The following CAPN8 variants were observed in gnomAD, a reference collection of about 807,000 sequenced individuals.
The protein encoded by CAPN8 is calpain-8.
A neutral mutation model predicts 80.9 loss-of-function variants in CAPN8; 87 were observed. The observed-to-expected ratio is 1.07, with a 90% CI of 0.90 to 1.28. The LOEUF (loss-of-function observed/expected upper bound fraction) is 1.28, where lower values mean the gene tolerates loss of function less well. Among genes scored for constraint, CAPN8 ranks in the 50% most tolerant of loss-of-function variants. CAPN8 has a pLI of 0.00. For synonymous variants in CAPN8, 299 were observed against 273.8 expected, an observed-to-expected ratio of 1.09 and a Z score of -0.91; for missense variants, 757 against 702.0, an observed-to-expected ratio of 1.08 and a Z score of -0.89.
At chr1:223,646,809 C>A (rs1030297034) in intron 2 of CAPN8, among the ~76,000 whole-genome samples, 1 of 152,190 alleles carries the variant, frequency 6.6e-6, no homozygotes, top group Non-Finnish European at 1.5e-5. Context: ...GAGAGCAGAG[C>A]TGGTAGGTGT....
At position 223,545,279 on chromosome 1, in the gene CAPN8, C is replaced by T. The variant is rs982009320; in HGVS notation, c.1785G>A (p.Leu595=). 1 of 1,551,660 alleles carries T rather than the reference C, an allele frequency of 6.4e-7. No homozygotes were observed. The highest frequency in any genetic ancestry group is 8.7e-7 in the Non-Finnish European group (1 of 1,146,962). ...AGAGCGTCTTGAATTCCACCGCCCC[C>T]AAAGTGCCCGTTCCATTGCTCTAGG... is the stretch of plus-strand genomic sequence containing the variant. ...SLLDSNGTGT[L]GAVEFKTLWL... is the part of the protein sequence containing the mutation. Residue 595 remains leucine (L), a synonymous_variant, in exon 17 of 21, where the codon TTG becomes TTA. Coordinates refer to ENST00000366872, the MANE Select transcript of CAPN8 (RefSeq NM_001143962.2).
intron 9 of CAPN8, 54 bp downstream of exon 9, chr1:223,619,239 A>G (rs1657301076): frequency 6.5e-7 from 1 of 1,533,664 alleles, no homozygotes; most frequent in Admixed American, 2.1e-5. Context: ...AAAATGACCC[A>G]GCTCAGGGAG....
intron 2 of CAPN8, among the ~76,000 whole-genome samples, chr1:223,638,534 G>A (rs1471096200): frequency 1.3e-5 from 2 of 152,056 alleles, no homozygotes; most frequent in East Asian, 1.9e-4. Flanking sequence ...CTCTCTCCCC[G>A]CCTGAGTATA....
chr1:223,627,443 G>A (rs1471314089), intron 4 of CAPN8, among the ~76,000 whole-genome samples: 2 of 152,222 alleles, frequency 1.3e-5, no homozygotes, highest in Admixed American at 6.5e-5. Context: ...GTTTCTGGGG[G>A]CTGGGGGCAC....
intron 6 of CAPN8, 146 bp downstream of exon 6, chr1:223,625,659 G>T (rs887916200): frequency 1.6e-6 from 1 of 635,470 alleles, no homozygotes; most frequent in Non-Finnish European, 2.9e-6. Context: ...TTCTGTACAG[G>T]CAGAGTGCAT....
intron 2 of CAPN8, among the ~76,000 whole-genome samples, chr1:223,637,698 CA>C (rs1657940587): frequency 6.6e-6 from 1 of 152,218 alleles, no homozygotes; most frequent in Non-Finnish European, 1.5e-5. Context: ...TGCCAAGCAT[CA>C]CCATGTGCGG....
chr1:223,636,892 T>G (rs28537987), intron 2 of CAPN8, among the ~76,000 whole-genome samples: 3,897 of 151,604 alleles, frequency 0.026, 74 homozygotes, highest in African/African-American at 0.048. Context: ...TTGAGTAGTC[T>G]ATCACTAGTA....
intron 2 of CAPN8, among the ~76,000 whole-genome samples, chr1:223,643,027 C>T (rs541961851): frequency 6.6e-6 from 1 of 152,344 alleles, no homozygotes; most frequent in African/African-American, 2.4e-5. Flanking sequence ...TATGTAAACA[C>T]ATCTCAGAGC....
At chr1:223,645,814 T>C (rs1658176300) in intron 2 of CAPN8, among the ~76,000 whole-genome samples, 1 of 152,094 alleles carries the variant, frequency 6.6e-6, no homozygotes. Flanking sequence ...AGCTACCCTA[T>C]GGGACCCCTG....
At chr1:223,635,394 G>T (rs1657890181) in intron 2 of CAPN8, among the ~76,000 whole-genome samples, 1 of 152,094 alleles carries the variant, frequency 6.6e-6, no homozygotes. Flanking sequence ...TGCAGAGCAG[G>T]GCTAATTCAT....
chr1:223,617,256 G>T (rs1657218636), intron 9 of CAPN8: 1 of 139,158 alleles, frequency 7.2e-6, no homozygotes. Context: ...CACCTTCTCA[G>T]AATCCCCACT....
chr1:223,631,422 C>T (rs774039921), intron 2 of CAPN8, among the ~76,000 whole-genome samples: 1 of 152,086 alleles, frequency 6.6e-6, no homozygotes, highest in Non-Finnish European at 1.5e-5. Context: ...TTACCAGCAC[C>T]AAGCCCTTCC....
intron 17 of CAPN8, 27 bp downstream of exon 17, chr1:223,545,203 AG>A: frequency 1.3e-6 from 2 of 1,551,674 alleles, no homozygotes; most frequent in Non-Finnish European, 1.7e-6. Flanking sequence ...AACAGAGGAG[AG>A]GATGCCCAGA....
intron 14 of CAPN8, among the ~76,000 whole-genome samples, chr1:223,553,116 C>T (rs1273346024): frequency 3.9e-5 from 6 of 152,064 alleles, no homozygotes; most frequent in East Asian, 1.9e-4. Context: ...TTTCCTCTTC[C>T]GGGCCCTTTT....
intron 1 of CAPN8, among the ~76,000 whole-genome samples, chr1:223,664,086 C>G (rs570649564): frequency 6.6e-6 from 1 of 152,338 alleles, no homozygotes; most frequent in South Asian, 2.1e-4. Context: ...GAGAGGTTCT[C>G]ATCCCTGAGG....
rs1657650472 is a variant in CAPN8 at position 223,628,102 on chromosome 1, T to A, written c.467A>T (p.Asp156Val). 2 of 1,551,172 alleles carry A rather than the reference T, an allele frequency of 1.3e-6. No individual in the cohort carries two copies. The highest frequency in any genetic ancestry group is 2.0e-5 in the Admixed American group (1 of 50,952). ...YGEWVEVVID[D>V]RLPTKNGQLL... ...CTGTCCATTCTTGGTGGGCAGCCTGTCGTCAATGACCACCTCCACCCACTC... is the reference window on the plus strand; with the variant it reads ...CTGTCCATTCTTGGTGGGCAGCCTGACGTCAATGACCACCTCCACCCACTC... The change falls in exon 4 of 21, where the codon GAC becomes GTC. Residue 156 changes from aspartate to valine, a missense_variant. Transcript: ENST00000366872.
chr1:223,664,929 G>C (rs7556396), intron 1 of CAPN8, among the ~76,000 whole-genome samples: 1 of 151,774 alleles, frequency 6.6e-6, no homozygotes, highest in African/African-American at 2.4e-5. Context: ...GACAGAGTGA[G>C]ACTCTGCCTC....
chr1:223,628,483 T>C (rs1188604532), intron 3 of CAPN8, among the ~76,000 whole-genome samples, 179 bp downstream of exon 3: 2 of 152,192 alleles, frequency 1.3e-5, no homozygotes, highest in Non-Finnish European at 2.9e-5. Flanking sequence ...TGTGTGGATA[T>C]CTGGATGGAT....
At chr1:223,609,725 G>A (rs972563203) in intron 11 of CAPN8, among the ~76,000 whole-genome samples, 3 of 152,204 alleles carry the variant, frequency 2.0e-5, no homozygotes, top group African/African-American at 7.2e-5. Flanking sequence ...CTCTGGGAGT[G>A]TGGCATTGAT....
Sources: allele counts gnomAD v4.1 joint callset (sites outside exome capture counted in the v4.1 genomes callset), GRCh38; gene constraint gnomAD v4.1.1; transcripts MANE v1.5; gene names NCBI Gene and HGNC (gene_info 2026-07-23, HGNC 2026-07-21).